Variants in OSBPL7 observed in about 807,000 individuals in gnomAD.
OSBPL7 encodes oxysterol binding protein like 7.
OSBPL7 carries 66 observed loss-of-function variants against 115.8 expected under a neutral mutation model. The ratio of observed to expected loss-of-function variants is 0.57; its 90% CI spans 0.47 to 0.70. The LOEUF is 0.70. Among genes scored for constraint, OSBPL7 ranks in the 30% least tolerant of loss-of-function variants. The pLI is 0.00. For missense variants in OSBPL7, 902 were observed against 1,125.5 expected (o/e 0.80, Z 2.84); for synonymous variants, 441 against 439.2 (o/e 1.00, Z -0.05).
chr17:47,814,737 G>A, intron 13 of OSBPL7, 123 bp from the exon 14 acceptor site: 2 of 813,980 alleles, frequency 2.5e-6, no homozygotes, highest in African/African-American at 1.7e-5. Flanking sequence ...AGAATGTATT[G>A]GGGGCACTCT....
intron 12 of OSBPL7, chr17:47,815,856 A>T (rs1039072663): frequency 4.0e-5 from 17 of 427,332 alleles, no homozygotes; most frequent in African/African-American, 3.5e-4. Flanking sequence ...TTTGAGCCTC[A>T]GTTTTGTTAT....
At chr17:47,810,717 C>A in intron 17 of OSBPL7, 45 bp from the exon 18 acceptor site, 1 of 1,612,308 alleles carries the variant, frequency 6.2e-7, no homozygotes, top group Non-Finnish European at 8.5e-7. Flanking sequence ...AGAGATAAGG[C>A]CAGAGGGTGT....
In OSBPL7 at chr17:47,820,360, G is replaced by A. The variant is rs866569894; in HGVS notation, c.-82C>T. The A allele has an allele frequency of 1.9e-5, 27 of 1,392,300 alleles. No homozygotes were observed. The highest frequency in any genetic ancestry group is 3.9e-4 in the Middle Eastern group (2 of 5,064). The allele number at this position is 1,392,300 out of a possible 1,614,324, so 86.2% of individuals were successfully genotyped here. On this transcript the variant is annotated 5_prime_UTR_variant, in exon 2 of 23. Transcript: ENST00000007414. ...GGGAAGGATGTCACCTGCTCCTGAC[G>A]GGGTCCTTGAAGCAAGAGAAAGACC...
At position 47,819,076 on chromosome 17, in the gene OSBPL7, G is replaced by C. The variant is rs776569680; in HGVS notation, c.279C>G (p.Gly93=). 14 of 1,613,884 alleles carry C rather than the reference G, an allele frequency of 8.7e-6. No individual in the cohort carries two copies. The highest frequency in any genetic ancestry group is 1.2e-5 in the Non-Finnish European group (14 of 1,179,950). The change falls in exon 5 of 23, where the codon GGC becomes GGG. Residue 93 remains glycine, a synonymous_variant. Transcript: ENST00000007414. ...TGACCGACAGCCGGACATCGATGGAGCCATGGAGCTTCCCCTTGGTGATCT... is the reference window on the plus strand; with the variant it reads ...TGACCGACAGCCGGACATCGATGGACCCATGGAGCTTCCCCTTGGTGATCT... The part of the protein sequence containing the change: ...RQDITKGKLH[G]SIDVRLSVMS...
chr17:47,818,539 G>A lies in OSBPL7; in HGVS notation c.447C>T (p.Pro149=), dbSNP rs148280966. The change falls in exon 6 of 23, where the codon CCC becomes CCT. Residue 149 remains proline (P), a synonymous_variant. Transcript: ENST00000007414. The stretch of plus-strand genomic sequence containing the variant: ...GAGCAGTACTGGGCAGTGAGCCACG[G>A]GGCATGTCCAGGCGGTGGGCTAGGC... ...AHRLAHRLDM[P]RGSLPSTAHR... 6.4e-4 allele frequency: 1,036 copies of A among 1,610,316 alleles called. 4 individuals are homozygous for A. In the African/African-American group the frequency reaches 9.1e-3, roughly 14 times the overall value.
Position 47,816,943 on chromosome 17 carries a change from G to A in OSBPL7, c.703-71C>T. 1 of 1,472,334 alleles carries A rather than the reference G, an allele frequency of 6.8e-7. No homozygotes were observed. Among genetic ancestry groups the A allele is most frequent in the Non-Finnish European group, 9.5e-7 (1 of 1,052,468 alleles). 91.2% of individuals were successfully genotyped at this position (1,472,334 alleles called of 1,614,324 possible). ...AGGGGCAGAAACCATCACAGCCTGG[G>A]AGAGGTAGACGGCCTCCTGCGCCAT... On this transcript the variant is annotated intron_variant, in intron 8 of 22. Coordinates refer to ENST00000007414, the MANE Select transcript of OSBPL7 (RefSeq NM_145798.3). The surrounding 1 kb of genome is among the most constrained non-coding windows in gnomAD (Gnocchi z 5.8).
At chr17:47,814,476 T>TCCAGCCCC in intron 14 of OSBPL7, 45 bp downstream of exon 14, 1 of 1,396,874 alleles carries the variant, frequency 7.2e-7, no homozygotes. Context: ...ACCCTGTTTT[T>TCCAGCCCC]CCACCCGCCT....
rs752623740 is a variant in OSBPL7, at chr17:47,809,189, A to G, written c.2057T>C (p.Val686Ala). Residue 686 changes from valine to alanine, a missense_variant, in exon 20 of 23, where the codon GTG becomes GCG. Coordinates refer to ENST00000007414, the MANE Select transcript of OSBPL7 (RefSeq NM_145798.3). ...AKYWSSNVHE[V>A]QGAVLSRSGR... ...ACTCCGACTGAGCACAGCGCCCTGC[A>G]CCTCGTGGACATTGGAACTCCAGTA... 2 of 1,614,104 alleles carry G rather than the reference A, an allele frequency of 1.2e-6. No individual in the cohort carries two copies. The highest frequency in any genetic ancestry group is 1.7e-6 in the Non-Finnish European group (2 of 1,180,026).
At chr17:47,810,004 C>T (rs527598314) in intron 18 of OSBPL7, among the ~76,000 whole-genome samples, 3 of 151,750 alleles carry the variant, frequency 2.0e-5, no homozygotes, top group Non-Finnish European at 2.9e-5. Flanking sequence ...CCACTACCTC[C>T]GCCTCCCAGG....
chr17:47,815,741 C>A, intron 12 of OSBPL7: 1 of 310,594 alleles, frequency 3.2e-6, no homozygotes. Flanking sequence ...GGCAGGAGAG[C>A]CAGATTTGAA....
rs1188752127 is a variant in OSBPL7, at chr17:47,816,216, G to T, written c.1024-14C>A. 6.5e-7 allele frequency: 1 copy of T among 1,547,190 alleles called. No individual in the cohort carries two copies. The highest frequency in any genetic ancestry group is 2.0e-5 in the Admixed American group (1 of 50,884). On this transcript the variant is annotated splice_polypyrimidine_tract_variant and intron_variant, in intron 11 of 22. Transcript: ENST00000007414. This position sits in a 1 kb window ranked among gnomAD's most constrained non-coding sequence, Gnocchi z 5.8. Reference sequence around the variant, plus strand: ...GGCCTCAGAGACCTGCAGGGAGAGGGTGAGGGACACGGTGCCAGGAGGATG... The same window carrying T: ...GGCCTCAGAGACCTGCAGGGAGAGGTTGAGGGACACGGTGCCAGGAGGATG...
Position 47,810,773 on chromosome 17 carries a change from T to C in OSBPL7, c.1800A>G (p.Gln600=). The C allele has an allele frequency of 6.2e-7, 1 of 1,613,984 alleles. No homozygotes were observed. The highest frequency in any genetic ancestry group is 8.5e-7 in the Non-Finnish European group (1 of 1,179,950). ...HAESENFAFW[Q]DMKWKNKFWG... Reference sequence around the variant, plus strand: ...CCGGCCCTGCCCTCTACTCCTCACCTTGCCAGAAGGCGAAGTTCTCAGACT... The same window carrying C: ...CCGGCCCTGCCCTCTACTCCTCACCCTGCCAGAAGGCGAAGTTCTCAGACT... The change falls in exon 17 of 23, where the codon CAA becomes CAG. Residue 600 remains glutamine (Q), a splice_region_variant and synonymous_variant. Transcript: ENST00000007414.
chr17:47,814,598 T>C lies in OSBPL7; in HGVS notation c.1274A>G (p.Glu425Gly). Residue 425 changes from glutamate to glycine, a missense_variant, in exon 14 of 23, where the codon GAG becomes GGG. By Grantham distance (98) the Glu-to-Gly change is moderately conservative. This residue lies in a region of OSBPL7 where 667 missense variants were observed against 788.7 expected (regional missense o/e 0.85). Transcript: ENST00000007414. ...GGTGGTGATTTCACTGGTACAGGAC[T>C]CCTCCTCCTCTGAGCCCTGGGCCAG... Reference protein sequence around the residue: ...SSENEGSEEEESCTSEITTSL... With the variant: ...SSENEGSEEEGSCTSEITTSL... The C allele has an allele frequency of 6.2e-7, 1 of 1,610,466 alleles. No homozygotes were observed. The highest frequency in any genetic ancestry group is 2.2e-5 in the East Asian group (1 of 44,696).
chr17:47,809,842 C>T (rs542386430), intron 18 of OSBPL7, among the ~76,000 whole-genome samples: 1 of 152,180 alleles, frequency 6.6e-6, no homozygotes, highest in Non-Finnish European at 1.5e-5. Context: ...GGCAAGCAGG[C>T]TCAAGGCTCT....
chr17:47,815,617 G>C, intron 12 of OSBPL7: 1 of 498,590 alleles, frequency 2.0e-6, no homozygotes, highest in Non-Finnish European at 3.6e-6. Flanking sequence ...CCCACTCCAA[G>C]CCCTCTGTGT....
intron 1 of OSBPL7, among the ~76,000 whole-genome samples, chr17:47,821,154 C>T (rs1215236760): frequency 2.0e-5 from 3 of 152,136 alleles, no homozygotes; most frequent in Non-Finnish European, 2.9e-5. Context: ...CCACAGGCAC[C>T]CTTGGCACTG....
chr17:47,810,021 C>T (rs144004802), intron 18 of OSBPL7, among the ~76,000 whole-genome samples: 1,574 of 151,070 alleles, frequency 0.01, 20 homozygotes, highest in African/African-American at 0.036. Flanking sequence ...CAGGTTGAAG[C>T]AATTCTCCTG....
At chr17:47,819,692 A>T in intron 4 of OSBPL7, 37 bp downstream of exon 4, 1 of 1,612,826 alleles carries the variant, frequency 6.2e-7, no homozygotes, top group Non-Finnish European at 8.5e-7. Flanking sequence ...CTGGGGCCAG[A>T]CTCCTCCCAC....
chr17:47,813,001 T>G (rs566692104), intron 16 of OSBPL7, among the ~76,000 whole-genome samples: 1 of 152,266 alleles, frequency 6.6e-6, no homozygotes, highest in African/African-American at 2.4e-5. Context: ...CCCCAGCCCC[T>G]GTACTCCCAG....
Sources: allele counts gnomAD v4.1 joint callset (sites outside exome capture counted in the v4.1 genomes callset), GRCh38; gene constraint gnomAD v4.1.1; regional missense constraint gnomAD v4.1.1; non-coding constraint Gnocchi (gnomAD v3.1); transcripts MANE v1.5; gene names NCBI Gene and HGNC (gene_info 2026-07-23, HGNC 2026-07-21).